Variants in RBM23 observed in about 807,000 individuals in gnomAD.
RBM23 encodes the protein RNA binding motif protein 23.
A neutral mutation model predicts 56.2 loss-of-function variants in RBM23; 53 were observed. The observed-to-expected ratio is 0.94, with a 90% CI of 0.76 to 1.19. The LOEUF (loss-of-function observed/expected upper bound fraction) is 1.19, where lower values mean the gene tolerates loss of function less well. Among genes scored for constraint, RBM23 ranks in the 50% most tolerant of loss-of-function variants. The probability of loss-of-function intolerance (pLI) is 0.00; values close to 1 mark genes in which losing one functional copy is unlikely to be tolerated. For missense variants in RBM23, 642 were observed against 590.3 expected, an observed-to-expected ratio of 1.09 and a Z score of -0.91; for synonymous variants, 197 against 198.5, an observed-to-expected ratio of 0.99 and a Z score of 0.06.
chr14:22,911,333 C>A lies in RBM23; in HGVS notation c.61G>T (p.Glu21Ter), dbSNP rs748610201. The A allele has an allele frequency of 3.1e-6, 5 of 1,613,392 alleles. No homozygotes were observed. The African/African-American group carries it at 6.7e-5, about 22-fold the overall frequency. The change falls in exon 2 of 14, where the codon GAA becomes TAA. Residue 21 changes from glutamate (E) to a stop codon, truncating the protein, a stop_gained. Coordinates refer to ENST00000359890, the MANE Select transcript of RBM23 (RefSeq NM_001077351.2). LOFTEE classifies it high-confidence loss of function. ...EAMLEAPYKKEEDEQQRKEVK... is the reference protein window; with the variant it reads ...EAMLEAPYKK Reference sequence around the variant, plus strand: ...AGTGAGGTGGAAAATATTACCTCTTCTTTTTTATAGGGAGCTTCCAGCATG... The same window carrying A: ...AGTGAGGTGGAAAATATTACCTCTTATTTTTTATAGGGAGCTTCCAGCATG...
At chr14:22,912,998 CAAAAAAAA>C (rs58361546) in intron 1 of RBM23, among the ~76,000 whole-genome samples, 6 of 35,408 alleles carry the variant, frequency 1.7e-4, no homozygotes, top group African/African-American at 9.6e-4. Context: ...GATTCAGTCT[CAAAAAAAA>C]AAAAAAAAAA....
chr14:22,916,740 G>C (rs1206656740), intron 1 of RBM23, among the ~76,000 whole-genome samples: 1 of 151,816 alleles, frequency 6.6e-6, no homozygotes, highest in African/African-American at 2.4e-5. Context: ...CTTCTCATAT[G>C]TTTATCAAAA....
chr14:22,909,688 A>G lies in RBM23; in HGVS notation c.67-93T>C, dbSNP rs61353824. The G allele has an allele frequency of 4.5e-3, 4,074 of 903,806 alleles. 120 individuals are homozygous for G. In the African/African-American group the frequency reaches 0.06, roughly 13 times the overall value. 56.0% of individuals were successfully genotyped at this position (903,806 alleles called of 1,614,324 possible). ...GGGAACAAAGGTGGACAAGGAATAA[A>G]TCAAACCACTTGATTATCTAGCCAG... On this transcript the variant is annotated intron_variant, in intron 2 of 13. Coordinates refer to ENST00000359890, the MANE Select transcript of RBM23 (RefSeq NM_001077351.2).
chr14:22,905,648 C>T lies in RBM23; in HGVS notation c.413G>A (p.Gly138Glu), dbSNP rs1272940579. ...TCTGAAATGAGGACTCTTACTGTGT[C>T]CATACCTATAACTAAAGAATAGAGA... ...SPPLATGYRY[G>E]HSKSPHFREK... Residue 138 changes from glycine to glutamate, a missense_variant, in exon 6 of 14, where the codon GGA becomes GAA. Coordinates refer to ENST00000359890, the MANE Select transcript of RBM23 (RefSeq NM_001077351.2). 6.2e-7 allele frequency: 1 copy of T among 1,608,154 alleles called. No homozygotes were observed. Among genetic ancestry groups the T allele is most frequent in the Non-Finnish European group, 8.5e-7 (1 of 1,174,492 alleles).
intron 1 of RBM23, 88 bp from the exon 2 acceptor site, chr14:22,911,491 G>A: frequency 9.5e-7 from 1 of 1,052,154 alleles, no homozygotes; most frequent in South Asian, 1.4e-5. Flanking sequence ...CTCCAAGAAA[G>A]AGACTTCAGG....
chr14:22,908,387 A>G lies in RBM23; in HGVS notation c.180-7T>C, dbSNP rs1352803426. 3 of 1,547,486 alleles carry G rather than the reference A, an allele frequency of 1.9e-6. No homozygotes were observed. Among genetic ancestry groups the G allele is most frequent in the East Asian group, 2.4e-5 (1 of 40,888 alleles). ...GCTCCGACTCCTCTTCTTCCTGTGAAAGAGAGTACATTCTTCTTTTTTTTT... is the reference window on the plus strand; with the variant it reads ...GCTCCGACTCCTCTTCTTCCTGTGAGAGAGAGTACATTCTTCTTTTTTTTT... On this transcript the variant is annotated splice_polypyrimidine_tract_variant and splice_region_variant and intron_variant, in intron 3 of 13. Transcript: ENST00000359890.
intron 1 of RBM23, among the ~76,000 whole-genome samples, chr14:22,916,468 G>A (rs183939443): frequency 2.4e-4 from 36 of 149,748 alleles, no homozygotes; most frequent in African/African-American, 8.8e-4. Context: ...TAGAGACATG[G>A]TCTCACTATG....
In RBM23 at chr14:22,901,438, A is replaced by G; in HGVS notation, c.*292T>C. 3.7e-6 allele frequency: 2 copies of G among 543,360 alleles called. No individual in the cohort carries two copies. Among genetic ancestry groups the G allele is most frequent in the Non-Finnish European group, 6.6e-6 (2 of 304,982 alleles). The allele number at this position is 543,360 out of a possible 1,614,324, so 33.7% of individuals were successfully genotyped here. A position where few individuals can be genotyped will look rare whatever the true frequency, so the allele number is the denominator to read the frequency against. ...AATTGAGGAATCACTAAGGTGTTGG[A>G]AAGGGCAAGAAGGTAATCTCAGAGA... On this transcript the variant is annotated 3_prime_UTR_variant, in exon 14 of 14. Coordinates refer to ENST00000359890, the MANE Select transcript of RBM23 (RefSeq NM_001077351.2).
At chr14:22,913,504 G>A (rs1275471694) in intron 1 of RBM23, among the ~76,000 whole-genome samples, 2 of 152,034 alleles carry the variant, frequency 1.3e-5, no homozygotes, top group Admixed American at 1.3e-4. Flanking sequence ...GCTCACACCT[G>A]TAATCCCAGC....
Position 22,902,387 on chromosome 14 carries a change from G to A in RBM23, c.931-5C>T, listed in dbSNP as rs371380455. ...GGCACACTCAGAATCAGAGAACTAT[G>A]AGAAACCCAGGCCATGTTAGTCACC... is the stretch of plus-strand genomic sequence containing the variant. On this transcript the variant is annotated splice_region_variant and splice_polypyrimidine_tract_variant and intron_variant, in intron 10 of 13. Coordinates refer to ENST00000359890, the MANE Select transcript of RBM23 (RefSeq NM_001077351.2). The A allele has an allele frequency of 7.5e-6, 12 of 1,608,260 alleles. No individual in the cohort carries two copies. The African/African-American group carries it at 1.2e-4, about 16-fold the overall frequency.
chr14:22,906,048 A>G lies in RBM23; in HGVS notation c.401+147T>C, dbSNP rs2041486722. Reference sequence around the variant, plus strand: ...TACAGGCATGAGCCACCACACCAGTAAATTTTGAATACCAACCCTTTCTGT... The same window carrying G: ...TACAGGCATGAGCCACCACACCAGTGAATTTTGAATACCAACCCTTTCTGT... On this transcript the variant is annotated intron_variant, in intron 5 of 13. Coordinates refer to ENST00000359890, the MANE Select transcript of RBM23 (RefSeq NM_001077351.2). 4.1e-6 allele frequency: 4 copies of G among 985,120 alleles called. No homozygotes were observed. In the East Asian group the frequency reaches 7.9e-5, roughly 19 times the overall value. The allele number at this position is 985,120 out of a possible 1,614,324, so 61.0% of individuals were successfully genotyped here. A position where few individuals can be genotyped will look rare whatever the true frequency, so the allele number is the denominator to read the frequency against.
At chr14:22,915,158 G>C (rs1343065845) in intron 1 of RBM23, among the ~76,000 whole-genome samples, 1 of 152,174 alleles carries the variant, frequency 6.6e-6, no homozygotes, top group Non-Finnish European at 1.5e-5. Flanking sequence ...GCTAGACACT[G>C]TGCTAAGCAT....
At position 22,900,329 on chromosome 14, in the gene RBM23, A is replaced by ACCCC. The variant is rs34197647; in HGVS notation, c.*1397_*1400dup. The ACCCC allele has an allele frequency of 4.1e-4, 55 of 132,642 alleles. No individual in the cohort carries two copies. The highest frequency in any genetic ancestry group is 5.2e-4 in the Non-Finnish European group (33 of 63,114). The allele number at this position is 132,642 out of a possible 1,614,324, so 8.2% of individuals were successfully genotyped here. A position where few individuals can be genotyped will look rare whatever the true frequency, so the allele number is the denominator to read the frequency against. On this transcript the variant is annotated 3_prime_UTR_variant, in exon 14 of 14. Transcript: ENST00000359890. ...TGGTACTTAACTCTTCAAGATCACAACCCCCCCCCCTCCCCGCCCCGCCCC... is the reference window on the plus strand; with the variant it reads ...TGGTACTTAACTCTTCAAGATCACAACCCCCCCCCCCCCCTCCCCGCCCCGCCCC...
Position 22,911,384 on chromosome 14 carries a change from C to G in RBM23, c.10G>C (p.Asp4His), listed in dbSNP as rs1566582103. 6.2e-7 allele frequency: 1 copy of G among 1,613,436 alleles called. No individual in the cohort carries two copies. Among genetic ancestry groups the G allele is most frequent in the Non-Finnish European group, 8.5e-7 (1 of 1,179,558 alleles). MASDDFDIVIEAML... is the reference protein window; with the variant it reads MASHDFDIVIEAML... ...GCCTCAATCACTATGTCAAAGTCATCAGATGCCATCCTGTCAGATCTGGGG... is the reference window on the plus strand; with the variant it reads ...GCCTCAATCACTATGTCAAAGTCATGAGATGCCATCCTGTCAGATCTGGGG... The change falls in exon 2 of 14, where the codon GAT (aspartate) becomes CAT (histidine). Residue 4 changes from aspartate (D) to histidine (H), a missense_variant. Coordinates refer to ENST00000359890, the MANE Select transcript of RBM23 (RefSeq NM_001077351.2).
rs1178002019 is a variant in RBM23 at position 22,897,219 on chromosome 14, A to C, written c.*4511T>G. 6.6e-6 allele frequency: 1 copy of C among 152,248 alleles called. No homozygotes were observed. The highest frequency in any genetic ancestry group is 2.4e-5 in the African/African-American group (1 of 41,460). 9.4% of individuals were successfully genotyped at this position (152,248 alleles called of 1,614,324 possible). Reference sequence around the variant, plus strand: ...ATATGTGCAAGGCAAAGCAATCATGAGAAAGACATCCAAGTCTGGCCTCAT... The same window carrying C: ...ATATGTGCAAGGCAAAGCAATCATGCGAAAGACATCCAAGTCTGGCCTCAT... On this transcript the variant is annotated 3_prime_UTR_variant, in exon 14 of 14. Transcript: ENST00000359890.
intron 5 of RBM23, chr14:22,905,947 G>C (rs529334359): frequency 5.0e-6 from 3 of 595,356 alleles, no homozygotes; most frequent in Non-Finnish European, 8.8e-6. Context: ...CCAGGGTTTC[G>C]CCATGTTGTC....
Position 22,908,394 on chromosome 14 carries a change from T to C in RBM23, c.180-14A>G, listed in dbSNP as rs1594314194. 2.6e-6 allele frequency: 4 copies of C among 1,543,794 alleles called. No individual in the cohort carries two copies. Among genetic ancestry groups the C allele is most frequent in the Admixed American group, 4.0e-5 (2 of 50,272 alleles). ...CTCCTCTTCTTCCTGTGAAAGAGAG[T>C]ACATTCTTCTTTTTTTTTTTTTAAT... On this transcript the variant is annotated splice_polypyrimidine_tract_variant and intron_variant, in intron 3 of 13. Transcript: ENST00000359890.
chr14:22,904,708 G>A (rs565754543), intron 9 of RBM23, among the ~76,000 whole-genome samples, 167 bp downstream of exon 9: 33 of 152,136 alleles, frequency 2.2e-4, no homozygotes, highest in African/African-American at 7.7e-4. Flanking sequence ...TGTCCACCAA[G>A]CACATGAACA....
Position 22,905,292 on chromosome 14 carries a change from T to C in RBM23, c.573+44A>G, listed in dbSNP as rs374509265. 59 of 1,613,818 alleles carry C rather than the reference T, an allele frequency of 3.7e-5. No homozygotes were observed. The African/African-American group carries it at 7.3e-4, about 20-fold the overall frequency. ...ATCCTGAGTTAGGCATAAAGGGAGA[T>C]ACAAGCTAAGCTACTCAGAAGAAAA... On this transcript the variant is annotated intron_variant, in intron 7 of 13. Coordinates refer to ENST00000359890, the MANE Select transcript of RBM23 (RefSeq NM_001077351.2).
Sources: gnomAD v4.1 joint callset for allele counts (sites outside exome capture counted in the v4.1 genomes callset) on GRCh38, gnomAD v4.1.1 for gene constraint, MANE v1.5 for transcripts, NCBI Gene and HGNC (gene_info 2026-07-23, HGNC 2026-07-21) for gene names.